Variants in PRMT8 observed in about 807,000 individuals in gnomAD.
PRMT8 encodes the protein protein arginine N-methyltransferase 8.
In PRMT8, 7 loss-of-function variants were observed where a neutral mutation model predicts 47.1. That is an observed-to-expected ratio of 0.15 (90% CI 0.08 to 0.28). PRMT8 has a LOEUF of 0.28. Ranked by LOEUF, PRMT8 falls within the 10% of genes least tolerant of loss-of-function variation. The pLI is 1.00. For missense variants in PRMT8, 237 were observed against 505.4 expected (o/e 0.47, Z 5.09); for synonymous variants, 188 against 186.5 (o/e 1.01, Z -0.07).
intron 1 of PRMT8, among the ~76,000 whole-genome samples, chr12:3,449,402 T>C (rs1290316877): frequency 6.6e-6 from 1 of 152,166 alleles, no homozygotes; most frequent in Admixed American, 6.5e-5. Context: ...GCATCTGTAG[T>C]TTCTTGACTT....
At chr12:3,568,572 G>A (rs572325319) in intron 4 of PRMT8, 134 bp from the exon 5 acceptor site, 4 of 953,706 alleles carry the variant, frequency 4.2e-6, no homozygotes, top group Non-Finnish European at 6.3e-6. Flanking sequence ...GTTTGGTAAA[G>A]GGTGAGCTAC....
chr12:3,394,900 G>A (rs927938199), intron 1 of PRMT8, among the ~76,000 whole-genome samples: 30 of 151,524 alleles, frequency 2.0e-4, no homozygotes, highest in African/African-American at 6.5e-4. Context: ...CCTGTTATTG[G>A]TCTATTCAGA....
rs553755480 is a variant in PRMT8 at position 3,583,861 on chromosome 12, G to A, written c.979+653G>A. Among the ~76,000 whole-genome samples, 10 of 152,246 alleles carry A rather than the reference G, an allele frequency of 6.6e-5. No individual in the cohort carries two copies. Among genetic ancestry groups the A allele is most frequent in the South Asian group, 2.1e-4 (1 of 4,818 alleles). On this transcript the variant is annotated intron_variant, in intron 8 of 9. Coordinates refer to ENST00000382622, the MANE Select transcript of PRMT8 (RefSeq NM_019854.5). This position sits in a 1 kb window ranked among gnomAD's most constrained non-coding sequence, Gnocchi z 4.7. ...ACCCCTCTTGGCCGAGCCCTGTCCCGTCGCTGCTACCCCACAGGTGGCCCA... is the reference window on the plus strand; with the variant it reads ...ACCCCTCTTGGCCGAGCCCTGTCCCATCGCTGCTACCCCACAGGTGGCCCA...
intron 1 of PRMT8, among the ~76,000 whole-genome samples, chr12:3,468,599 G>A (rs935240664): frequency 6.6e-6 from 1 of 152,176 alleles, no homozygotes; most frequent in Non-Finnish European, 1.5e-5. Context: ...ACCAACTCTT[G>A]AGTCCTGATG....
intron 1 of PRMT8, among the ~76,000 whole-genome samples, chr12:3,396,947 CTTCATTTCA>C (rs1460009583): frequency 2.0e-5 from 3 of 151,982 alleles, no homozygotes; most frequent in Admixed American, 6.6e-5. Context: ...TCCCTTCTCA[CTTCATTTCA>C]TTCATTTCAT....
At chr12:3,425,216 C>T (rs1392891356) in intron 1 of PRMT8, among the ~76,000 whole-genome samples, 2 of 152,214 alleles carry the variant, frequency 1.3e-5, no homozygotes, top group African/African-American at 2.4e-5. Flanking sequence ...TAGTCTAGTA[C>T]TTGTTAGCCA....
chr12:3,516,087 G>T (rs1479926865), intron 1 of PRMT8, among the ~76,000 whole-genome samples: 5 of 152,230 alleles, frequency 3.3e-5, no homozygotes, highest in Admixed American at 3.3e-4. Context: ...AGCAAGGCAG[G>T]GTGGGCCATT....
intron 1 of PRMT8, among the ~76,000 whole-genome samples, chr12:3,464,270 T>TAA (rs372550984): frequency 3.2e-4 from 42 of 129,308 alleles, no homozygotes; most frequent in Middle Eastern, 4.1e-3. Flanking sequence ...TGAATCCTGG[T>TAA]AAAAAAAAAA....
intron 4 of PRMT8, among the ~76,000 whole-genome samples, chr12:3,563,219 C>T (rs773630455): frequency 3.3e-4 from 50 of 152,146 alleles, no homozygotes; most frequent in Non-Finnish European, 6.9e-4. Context: ...GGGAATGGCT[C>T]TGGCAAAGCT....
At chr12:3,472,363 A>G (rs1306100966) in intron 1 of PRMT8, among the ~76,000 whole-genome samples, 7 of 152,172 alleles carry the variant, frequency 4.6e-5, no homozygotes, top group Non-Finnish European at 1.0e-4. Flanking sequence ...TGTTTGATAA[A>G]TGAATGAATG....
intron 1 of PRMT8, among the ~76,000 whole-genome samples, chr12:3,440,678 T>C (rs753073757): frequency 1.3e-5 from 2 of 152,146 alleles, no homozygotes; most frequent in Non-Finnish European, 2.9e-5. Context: ...AATGCTCCAT[T>C]ACATTGTATT....
chr12:3,430,062 C>T (rs1339325338), intron 1 of PRMT8, among the ~76,000 whole-genome samples: 3 of 152,220 alleles, frequency 2.0e-5, no homozygotes, highest in Non-Finnish European at 2.9e-5. Flanking sequence ...CCGGCAGACT[C>T]ATGTCTCCAA....
At chr12:3,406,474 T>C (rs890156909) in intron 1 of PRMT8, among the ~76,000 whole-genome samples, 8 of 152,226 alleles carry the variant, frequency 5.3e-5, no homozygotes, top group African/African-American at 1.9e-4. Flanking sequence ...GGCTGCAAAA[T>C]TTCCAAACTT....
At chr12:3,515,903 T>C (rs772633318) in intron 1 of PRMT8, among the ~76,000 whole-genome samples, 2 of 152,254 alleles carry the variant, frequency 1.3e-5, no homozygotes, top group Non-Finnish European at 2.9e-5. Context: ...CTCAGGTCTG[T>C]GTACCTATTT....
chr12:3,488,500 C>A (rs1261936643), upstream of PRMT8, among the ~76,000 whole-genome samples: 3 of 152,190 alleles, frequency 2.0e-5, no homozygotes, highest in Non-Finnish European at 4.4e-5. Context: ...CACATGTTTT[C>A]TTGCCTCCCA....
At chr12:3,515,824 C>T (rs1301537552) in intron 1 of PRMT8, among the ~76,000 whole-genome samples, 5 of 152,360 alleles carry the variant, frequency 3.3e-5, no homozygotes, top group Admixed American at 2.0e-4. Flanking sequence ...TTAGTGCTGG[C>T]AGTTCCTATT....
intron 1 of PRMT8, among the ~76,000 whole-genome samples, chr12:3,468,454 T>C (rs925175868): frequency 6.6e-6 from 1 of 152,112 alleles, no homozygotes; most frequent in Admixed American, 6.5e-5. Context: ...CTGATATGGG[T>C]CCCATGGGAT....
At chr12:3,555,624 A>T (rs1314493256) in intron 4 of PRMT8, among the ~76,000 whole-genome samples, 3 of 152,090 alleles carry the variant, frequency 2.0e-5, no homozygotes, top group African/African-American at 7.2e-5. Context: ...TCTATGGAGG[A>T]TGGGTTGGAA....
At chr12:3,417,981 G>A (rs1864500945) in intron 1 of PRMT8, among the ~76,000 whole-genome samples, 1 of 152,170 alleles carries the variant, frequency 6.6e-6, no homozygotes, top group Non-Finnish European at 1.5e-5. Context: ...TTTCCCCACT[G>A]GTAAAATGAA....
Sources: gnomAD v4.1 joint callset for allele counts (sites outside exome capture counted in the v4.1 genomes callset) on GRCh38, gnomAD v4.1.1 for gene constraint, Gnocchi (gnomAD v3.1) non-coding constraint, MANE v1.5 for transcripts, NCBI Gene and HGNC (gene_info 2026-07-23, HGNC 2026-07-21) for gene names.